Variants in HSPG2 observed in about 807,000 individuals in gnomAD.
The protein encoded by HSPG2 is basement membrane-specific heparan sulfate proteoglycan core protein.
HSPG2 carries 278 observed loss-of-function variants against 526.6 expected under a neutral mutation model. That is an observed-to-expected ratio of 0.53 (90% CI 0.48 to 0.58). The LOEUF (loss-of-function observed/expected upper bound fraction) is 0.58. HSPG2 is among the 20% of genes least tolerant of loss of function. The probability of loss-of-function intolerance (pLI) is 0.00; values close to 1 mark genes in which losing one functional copy is unlikely to be tolerated. For missense variants in HSPG2, 5,354 were observed against 6,099.5 expected, an observed-to-expected ratio of 0.88 and a Z score of 4.07; for synonymous variants, 2,465 against 2,555.4, an observed-to-expected ratio of 0.96 and a Z score of 1.07.
intron 1 of HSPG2, among the ~76,000 whole-genome samples, chr1:21,928,184 G>C (rs989462004): frequency 6.6e-6 from 1 of 152,218 alleles, no homozygotes; most frequent in African/African-American, 2.4e-5. Flanking sequence ...AGGGCCTTTT[G>C]AGCCCACATC....
chr1:21,850,005 A>C, intron 57 of HSPG2, 36 bp downstream of exon 57: 1 of 1,611,304 alleles, frequency 6.2e-7, no homozygotes, highest in South Asian at 1.1e-5. Flanking sequence ...CTGCAGCTAC[A>C]GGGTCCTTCA....
In HSPG2 at chr1:21,895,805, ACTT is replaced by A. The variant is rs1339249633; in HGVS notation, c.244+114_244+116del. The A allele has an allele frequency of 2.4e-5, 22 of 927,538 alleles. No homozygotes were observed. The East Asian group carries it at 3.5e-4, about 15-fold the overall frequency. 57.5% of individuals were successfully genotyped at this position (927,538 alleles called of 1,614,324 possible). A position where few individuals can be genotyped will look rare whatever the true frequency, so the allele number is the denominator to read the frequency against. On this transcript the variant is annotated intron_variant, in intron 3 of 96. Coordinates refer to ENST00000374695, the MANE Select transcript of HSPG2 (RefSeq NM_005529.7). This position sits in a 1 kb window ranked among gnomAD's most constrained non-coding sequence, Gnocchi z 4.1. ...CTCAGCAGGTTAAGAGATCACACCC[ACTT>A]CTTCTTGCTTTGTACCCCAGGGCAG...
In HSPG2 at chr1:21,896,040, C is replaced by T. The variant is rs951163918; in HGVS notation, c.200-74G>A. 1.4e-5 allele frequency: 23 copies of T among 1,591,012 alleles called. No homozygotes were observed. In the African/African-American group the frequency reaches 2.8e-4, roughly 19 times the overall value. Reference sequence around the variant, plus strand: ...TACCTACTGGGTGTCAGGCACTGTTCTGGGCACCTAGTATACAGTGGGACA... The same window carrying T: ...TACCTACTGGGTGTCAGGCACTGTTTTGGGCACCTAGTATACAGTGGGACA... On this transcript the variant is annotated intron_variant, in intron 2 of 96. Coordinates refer to ENST00000374695, the MANE Select transcript of HSPG2 (RefSeq NM_005529.7).
chr1:21,826,223 C>T (rs899912797), intron 91 of HSPG2, among the ~76,000 whole-genome samples: 3 of 152,074 alleles, frequency 2.0e-5, no homozygotes, highest in African/African-American at 4.8e-5. Flanking sequence ...CCATGTGCCA[C>T]CACACCCAGC....
chr1:21,846,321 C>T, intron 63 of HSPG2, 66 bp from the exon 64 acceptor site: 1 of 1,610,318 alleles, frequency 6.2e-7, no homozygotes, highest in East Asian at 2.2e-5. Flanking sequence ...AGGCCTGGGG[C>T]CAGGGTCTAA....
At chr1:21,900,142 T>C (rs543250713) in intron 1 of HSPG2, among the ~76,000 whole-genome samples, 1 of 152,108 alleles carries the variant, frequency 6.6e-6, no homozygotes, top group Non-Finnish European at 1.5e-5. Context: ...TTCAGGCATG[T>C]GTTGGAGCCA....
At position 21,843,025 on chromosome 1, in the gene HSPG2, G is replaced by A. The variant is rs186550228; in HGVS notation, c.8759-104C>T. ...CAGCTCCAGTTGATCCTGGGGGCGCGGTGGCTTGAGAGTGGCTGATATAAC... is the reference window on the plus strand; with the variant it reads ...CAGCTCCAGTTGATCCTGGGGGCGCAGTGGCTTGAGAGTGGCTGATATAAC... On this transcript the variant is annotated intron_variant, in intron 66 of 96. Transcript: ENST00000374695. 6.9e-4 allele frequency: 939 copies of A among 1,353,908 alleles called. 1 individual carries two copies. The highest frequency in any genetic ancestry group is 6.6e-3 in the African/African-American group (460 of 69,970). 83.9% of individuals were successfully genotyped at this position (1,353,908 alleles called of 1,614,324 possible).
At chr1:21,930,865 A>G (rs1296738429) in intron 1 of HSPG2, among the ~76,000 whole-genome samples, 2 of 152,170 alleles carry the variant, frequency 1.3e-5, no homozygotes, top group African/African-American at 4.8e-5. Context: ...GCTTAATCAC[A>G]TACATCATTT....
intron 1 of HSPG2, among the ~76,000 whole-genome samples, chr1:21,931,000 G>T (rs1644332531): frequency 6.6e-6 from 1 of 152,160 alleles, no homozygotes; most frequent in Non-Finnish European, 1.5e-5. Context: ...GCTAGGAGCT[G>T]GTCCTAAGGC....
intron 1 of HSPG2, among the ~76,000 whole-genome samples, chr1:21,924,327 C>T (rs1050322394): frequency 8.5e-5 from 13 of 152,162 alleles, no homozygotes; most frequent in African/African-American, 2.4e-4. Flanking sequence ...AGAGGCAGGA[C>T]TCGTAAGCTA....
At position 21,865,053 on chromosome 1, in the gene HSPG2, A is replaced by G. The variant is rs777679166; in HGVS notation, c.4416T>C (p.Asp1472=). The change falls in exon 36 of 97, where the codon GAT becomes GAC. Residue 1472 remains aspartate (D), a synonymous_variant. Transcript: ENST00000374695. This position sits in a 1 kb window ranked among gnomAD's most constrained non-coding sequence, Gnocchi z 5.4. ...MFREEFWRRP[D]GQPATREHLL... is the part of the protein sequence containing the mutation. Reference sequence around the variant, plus strand: ...GGTGCTCGCGTGTGGCCGGCTGCCCATCGGGCCGGCGCCAGAATTCCTGGG... The same window carrying G: ...GGTGCTCGCGTGTGGCCGGCTGCCCGTCGGGCCGGCGCCAGAATTCCTGGG... 1.3e-6 allele frequency: 2 copies of G among 1,566,014 alleles called. No homozygotes were observed. The highest frequency in any genetic ancestry group is 1.9e-5 in the Admixed American group (1 of 53,188).
chr1:21,850,191 T>A lies in HSPG2; in HGVS notation c.7296A>T (p.Ala2432=), dbSNP rs2229485. 16,871 of 1,613,308 alleles carry A rather than the reference T, an allele frequency of 0.01. 133 individuals are homozygous for A. Among genetic ancestry groups the A allele is most frequent in the Non-Finnish European group, 0.013 (15,439 of 1,180,024 alleles). The change falls in exon 57 of 97, where the codon GCA becomes GCT. Residue 2432 remains alanine, a splice_region_variant and synonymous_variant. Coordinates refer to ENST00000374695, the MANE Select transcript of HSPG2 (RefSeq NM_005529.7). Reference sequence around the variant, plus strand: ...TCCGGACCGTGGGGGTGACCCCAAGTGCTGGGGACAGAGGGCAAAGGGTCA... The same window carrying A: ...TCCGGACCGTGGGGGTGACCCCAAGAGCTGGGGACAGAGGGCAAAGGGTCA... ...VTIEPAGSVP[A]LGVTPTVRIE... is the part of the protein sequence containing the mutation.
intron 16 of HSPG2, 33 bp downstream of exon 16, chr1:21,880,328 GTC>G: frequency 6.2e-7 from 1 of 1,613,962 alleles, no homozygotes; most frequent in Non-Finnish European, 8.5e-7. Flanking sequence ...CCTTGCTAGG[GTC>G]TCTGTGGTTC....
Position 21,880,246 on chromosome 1 carries a change from A to G in HSPG2, c.2204T>C (p.Ile735Thr), listed in dbSNP as rs757603966. ...CTCGCAGGACAAGCCAGAATAGCCA[A>G]TGGGGCATCTGTGGGGACAGGACCA... ...AHSVEECRCPIGYSGLSCESC... is the reference protein window; with the variant it reads ...AHSVEECRCPTGYSGLSCESC... Residue 735 changes from isoleucine (I) to threonine (T), a missense_variant, in exon 17 of 97, where the codon ATT becomes ACT. Coordinates refer to ENST00000374695, the MANE Select transcript of HSPG2 (RefSeq NM_005529.7). 11 of 1,614,078 alleles carry G rather than the reference A, an allele frequency of 6.8e-6. No individual in the cohort carries two copies. Among genetic ancestry groups the G allele is most frequent in the South Asian group, 1.1e-5 (1 of 91,088 alleles).
chr1:21,858,717 T>C lies in HSPG2; in HGVS notation c.5293+849A>G, dbSNP rs1183646482. ...CCTGACTTCTGCCAGCCACTGCACT[T>C]CTTTGCATTGAGGGCTTTCTCAGGC... is the stretch of plus-strand genomic sequence containing the variant. On this transcript the variant is annotated intron_variant, in intron 42 of 96. Coordinates refer to ENST00000374695, the MANE Select transcript of HSPG2 (RefSeq NM_005529.7). This position sits in a 1 kb window ranked among gnomAD's most constrained non-coding sequence, Gnocchi z 4.2. Among the ~76,000 whole-genome samples, 1 of 152,214 alleles carries C rather than the reference T, an allele frequency of 6.6e-6. No individual in the cohort carries two copies. Among genetic ancestry groups the C allele is most frequent in the Non-Finnish European group, 1.5e-5 (1 of 68,040 alleles).
rs756399057 is a variant in HSPG2, at chr1:21,834,749, C to T, written c.10650G>A (p.Ala3550=). The T allele has an allele frequency of 1.1e-5, 17 of 1,614,188 alleles. No individual in the cohort carries two copies. Among genetic ancestry groups the T allele is most frequent in the Middle Eastern group, 1.6e-4 (1 of 6,062 alleles). ...TGGTGGCAGTGCAGCGATACTGTCC[C>T]GCATCAGCCAGCTCTACGTGGGCGA... ...VRIAHVELAD[A]GQYRCTATNA... Residue 3550 remains alanine, a synonymous_variant, in exon 77 of 97, where the codon GCG becomes GCA. Coordinates refer to ENST00000374695, the MANE Select transcript of HSPG2 (RefSeq NM_005529.7).
chr1:21,832,773 C>A (rs2098010085), intron 80 of HSPG2, 167 bp from the exon 81 acceptor site: 1 of 620,642 alleles, frequency 1.6e-6, no homozygotes, highest in Non-Finnish European at 2.9e-6. Context: ...AGGGCTGGTG[C>A]CCCAAACGCA....
intron 23 of HSPG2, 80 bp downstream of exon 23, chr1:21,876,149 A>G (rs1292404866): frequency 2.6e-6 from 4 of 1,568,090 alleles, no homozygotes. Context: ...CCAAGGCACC[A>G]CGACCCTCCC....
In HSPG2 at chr1:21,857,142, G is replaced by A; in HGVS notation, c.5448C>T (p.Thr1816=). The A allele has an allele frequency of 6.2e-7, 1 of 1,614,166 alleles. No homozygotes were observed. Among genetic ancestry groups the A allele is most frequent in the East Asian group, 2.2e-5 (1 of 44,878 alleles). ...GGATGCCATTGAAATCCATGGCTCG[G>A]GTGGGCAGTTTCCCGTTGTGCAGGC... ...WTRLHNGKLP[T]RAMDFNGILT... is the part of the protein sequence containing the mutation. The change falls in exon 44 of 97, where the codon ACC becomes ACT. Residue 1816 remains threonine (T), a synonymous_variant. Transcript: ENST00000374695.
Sources: allele counts gnomAD v4.1 joint callset (sites outside exome capture counted in the v4.1 genomes callset), GRCh38; gene constraint gnomAD v4.1.1; non-coding constraint Gnocchi (gnomAD v3.1); transcripts MANE v1.5; gene names NCBI Gene and HGNC (gene_info 2026-07-23, HGNC 2026-07-21).